NPIPB2: variants seen among roughly 807,000 people sequenced by gnomAD.
NPIPB2 encodes nuclear pore complex interacting protein family member B2.
A neutral mutation model predicts 30.8 loss-of-function variants in NPIPB2; 27 were observed. The ratio of observed to expected loss-of-function variants is 0.88; its 90% CI spans 0.65 to 1.21. The LOEUF (loss-of-function observed/expected upper bound fraction) is 1.21, where lower values mean the gene tolerates loss of function less well. Ranked by LOEUF, NPIPB2 falls within the 50% of genes most tolerant of loss-of-function variation. The probability of loss-of-function intolerance (pLI) is 0.00; values close to 1 mark genes in which losing one functional copy is unlikely to be tolerated. For synonymous variants in NPIPB2, 147 were observed against 162.0 expected (o/e 0.91, Z 0.70); for missense variants, 440 against 446.2 (o/e 0.99, Z 0.13).
rs925058433 is a variant in NPIPB2, at chr16:11,966,414, T to C, written c.-584+10154A>G. 7 of 1,482,054 alleles carry C rather than the reference T, an allele frequency of 4.7e-6. No homozygotes were observed. The African/African-American group carries it at 8.5e-5, about 18-fold the overall frequency. The allele number at this position is 1,482,054 out of a possible 1,614,324, so 91.8% of individuals were successfully genotyped here. On this transcript the variant is annotated intron_variant, in intron 1 of 5. Transcript: ENST00000538896. Reference sequence around the variant, plus strand: ...TTGTGAGTTTCAGTTCCTTTTCTTTTTTTAGCGTTGACTATTTCACTTCGT... The same window carrying C: ...TTGTGAGTTTCAGTTCCTTTTCTTTCTTTAGCGTTGACTATTTCACTTCGT...
chr16:11,945,674 T>C (rs575076416), upstream of NPIPB2, among the ~76,000 whole-genome samples: 8 of 151,184 alleles, frequency 5.3e-5, no homozygotes, highest in South Asian at 2.1e-4. Context: ...TGAGACTCTG[T>C]CTTAAAAAAA....
intron 2 of NPIPB2, among the ~76,000 whole-genome samples, chr16:11,935,329 T>C (rs1363175821): frequency 6.6e-6 from 1 of 152,210 alleles, no homozygotes; most frequent in Non-Finnish European, 1.5e-5. Flanking sequence ...AATGACTTTT[T>C]TCTTGAGACG....
At chr16:11,963,081 CAAAT>C (rs1229745591) in intron 1 of NPIPB2, among the ~76,000 whole-genome samples, 6 of 151,570 alleles carry the variant, frequency 4.0e-5, no homozygotes, top group Non-Finnish European at 7.4e-5. Flanking sequence ...AACAAACAAA[CAAAT>C]AAATAAAAAA....
intron 1 of NPIPB2, among the ~76,000 whole-genome samples, chr16:11,972,233 C>T (rs1221154013): frequency 2.0e-5 from 3 of 152,150 alleles, no homozygotes; most frequent in African/African-American, 7.2e-5. Flanking sequence ...CCAATGAAGC[C>T]TCCAGGTGGC....
intron 1 of NPIPB2, among the ~76,000 whole-genome samples, chr16:11,975,814 C>A (rs1167087293): frequency 6.6e-6 from 1 of 151,984 alleles, no homozygotes; most frequent in Non-Finnish European, 1.5e-5. Context: ...TGGAATCGAA[C>A]TTCTGACCTC....
chr16:11,972,777 T>C (rs928080911), intron 1 of NPIPB2, among the ~76,000 whole-genome samples: 3 of 151,588 alleles, frequency 2.0e-5, no homozygotes, highest in African/African-American at 7.3e-5. Context: ...GGCAGGAGAA[T>C]TGCTTGAACT....
chr16:11,973,711 T>C (rs1194727897), intron 1 of NPIPB2, among the ~76,000 whole-genome samples: 1 of 152,066 alleles, frequency 6.6e-6, no homozygotes, highest in Non-Finnish European at 1.5e-5. Flanking sequence ...TAGGAGTTCC[T>C]AGCTGGTCTG....
upstream of NPIPB2, among the ~76,000 whole-genome samples, chr16:11,943,456 C>A (rs913140596): frequency 6.6e-6 from 1 of 152,228 alleles, no homozygotes; most frequent in African/African-American, 2.4e-5. Context: ...GTAATCCCAG[C>A]ACTTTGGGAG....
At chr16:11,933,980 C>T in intron 2 of NPIPB2, 56 bp from the exon 3 acceptor site, 1 of 1,406,050 alleles carries the variant, frequency 7.1e-7, no homozygotes, top group Non-Finnish European at 9.9e-7. Flanking sequence ...TGCGTATAAT[C>T]CCAGTACTTT....
intron 1 of NPIPB2, among the ~76,000 whole-genome samples, chr16:11,969,579 G>C (rs1433365564): frequency 6.6e-6 from 1 of 152,162 alleles, no homozygotes; most frequent in Admixed American, 6.5e-5. Flanking sequence ...TTAAAGGAAA[G>C]CTAACTTATG....
At chr16:11,932,590 A>G (rs954137282) in intron 4 of NPIPB2, among the ~76,000 whole-genome samples, 7 of 149,020 alleles carry the variant, frequency 4.7e-5, no homozygotes, top group African/African-American at 1.5e-4. Context: ...AGCTTGGCCA[A>G]TATGGTGAAA....
intron 1 of NPIPB2, chr16:11,968,128 T>A (rs1177790781): frequency 3.3e-6 from 1 of 306,088 alleles, no homozygotes; most frequent in Non-Finnish European, 6.0e-6. Flanking sequence ...GTGTGGGGGG[T>A]GAGGGTGGGA....
At chr16:11,937,311 T>C (rs1039004479) in intron 2 of NPIPB2, among the ~76,000 whole-genome samples, 1 of 152,222 alleles carries the variant, frequency 6.6e-6, no homozygotes, top group African/African-American at 2.4e-5. Flanking sequence ...AAAAAACTTA[T>C]TTTTGACCAA....
At chr16:11,947,447 C>T (rs1567472054) in intron 1 of NPIPB2, among the ~76,000 whole-genome samples, 1 of 151,032 alleles carries the variant, frequency 6.6e-6, no homozygotes, top group Non-Finnish European at 1.5e-5. Context: ...CAGGTTCACG[C>T]CATTCTCCTG....
At chr16:11,955,448 G>A (rs939418415) in intron 1 of NPIPB2, among the ~76,000 whole-genome samples, 1 of 150,130 alleles carries the variant, frequency 6.7e-6, no homozygotes, top group Non-Finnish European at 1.5e-5. Flanking sequence ...GGTGGCTCAC[G>A]CCTGTAATCC....
chr16:11,950,341 A>T (rs1283248706), intron 1 of NPIPB2, among the ~76,000 whole-genome samples: 3 of 151,894 alleles, frequency 2.0e-5, no homozygotes, highest in Non-Finnish European at 4.4e-5. Flanking sequence ...TAGCCTAATT[A>T]ATTTTTTTCT....
At chr16:11,944,529 G>A (rs1473056025), upstream of NPIPB2, among the ~76,000 whole-genome samples, 3 of 151,506 alleles carry the variant, frequency 2.0e-5, no homozygotes, top group East Asian at 2.0e-4. Flanking sequence ...TTGGGAGGCC[G>A]AGGCGGGTGG....
At chr16:11,947,256 G>C (rs2055019951) in intron 1 of NPIPB2, among the ~76,000 whole-genome samples, 3 of 146,532 alleles carry the variant, frequency 2.0e-5, no homozygotes, top group Non-Finnish European at 4.5e-5. Flanking sequence ...GCCAATGGTT[G>C]AATGGTGTGT....
At chr16:11,959,763 C>G (rs1387670140) in intron 1 of NPIPB2, among the ~76,000 whole-genome samples, 2 of 152,038 alleles carry the variant, frequency 1.3e-5, no homozygotes, top group Non-Finnish European at 2.9e-5. Context: ...CAGACACTAC[C>G]TATTTTATTT....
Sources: gnomAD v4.1 joint callset for allele counts (sites outside exome capture counted in the v4.1 genomes callset) on GRCh38, gnomAD v4.1.1 for gene constraint, MANE v1.5 for transcripts, NCBI Gene and HGNC (gene_info 2026-07-23, HGNC 2026-07-21) for gene names.